The following KANK1 variants were observed in gnomAD, a reference collection of about 807,000 sequenced individuals.
The protein encoded by KANK1 is KN motif and ankyrin repeat domain-containing protein 1.
KANK1 carries 109 observed loss-of-function variants against 106.2 expected under a neutral mutation model. That is an observed-to-expected ratio of 1.03 (90% CI 0.88 to 1.20). KANK1 has a LOEUF of 1.20. Ranked by LOEUF, KANK1 falls within the 50% of genes most tolerant of loss-of-function variation. The pLI, the probability that KANK1 is intolerant of heterozygous loss-of-function variation, is 0.00. For missense variants in KANK1, 2,399 were observed against 1,710.7 expected (o/e 1.40, Z -7.10); for synonymous variants, 873 against 652.2 (o/e 1.34, Z -5.16).
At chr9:617,712 A>G (rs1832174038) in intron 1 of KANK1, among the ~76,000 whole-genome samples, 2 of 152,132 alleles carry the variant, frequency 1.3e-5, no homozygotes, top group Admixed American at 1.3e-4. Context: ...GACAGTCTGC[A>G]CCTCTCTTCC....
At chr9:635,700 T>A (rs569423814) in intron 1 of KANK1, among the ~76,000 whole-genome samples, 1 of 128,874 alleles carries the variant, frequency 7.8e-6, no homozygotes, top group African/African-American at 2.7e-5. Flanking sequence ...TATTCTTTTT[T>A]TTTTTTTTTT....
At chr9:570,359 G>C (rs529035882) in intron 1 of KANK1, among the ~76,000 whole-genome samples, 9 of 152,334 alleles carry the variant, frequency 5.9e-5, no homozygotes, top group Non-Finnish European at 1.2e-4. Context: ...GTTGAGATAA[G>C]AGAGGTTTGC....
At chr9:615,234 C>T (rs1296959328) in intron 1 of KANK1, among the ~76,000 whole-genome samples, 1 of 152,208 alleles carries the variant, frequency 6.6e-6, no homozygotes, top group East Asian at 1.9e-4. Flanking sequence ...CCGCGCCTGG[C>T]ATAGTATCAT....
At position 691,611 on chromosome 9, in the gene KANK1, A is replaced by ATTTTTTTTTTTT. The variant is rs767618077; in HGVS notation, c.37+14610_37+14621dup. ...AATAATGTAACTAAATAATACCAGA[A>ATTTTTTTTTTTT]TTTTTTTTTTTTTTTTTTTGAGACC... On this transcript the variant is annotated intron_variant, in intron 2 of 11. Transcript: ENST00000382297. Among the ~76,000 whole-genome samples the ATTTTTTTTTTTT allele has an allele frequency of 6.4e-3, 455 of 70,948 alleles. 14 individuals carry two copies. The highest frequency in any genetic ancestry group is 9.3e-3 in the African/African-American group (200 of 21,576). The allele number at this position is 70,948 out of a possible 152,430, so 46.5% of individuals were successfully genotyped here.
intron 1 of KANK1, among the ~76,000 whole-genome samples, chr9:605,334 A>G (rs183354158): frequency 2.0e-5 from 3 of 150,936 alleles, no homozygotes; most frequent in Non-Finnish European, 2.9e-5. Flanking sequence ...AATACTAGCC[A>G]TGAGGAAAGA....
rs1403467387 is a variant in KANK1 at position 542,787 on chromosome 9, G to A, written c.-84+38033G>A. On this transcript the variant is annotated intron_variant, in intron 1 of 11. Coordinates refer to ENST00000382297, the MANE Select transcript of KANK1 (RefSeq NM_015158.5). Reference sequence around the variant, plus strand: ...AACCTATTCATAAATGAAATAGCCAGGCACAGAAAGACAGATACTGCATTT... The same window carrying A: ...AACCTATTCATAAATGAAATAGCCAAGCACAGAAAGACAGATACTGCATTT... 3.3e-5 allele frequency among the ~76,000 whole-genome samples: 5 copies of A among 152,200 alleles called. No homozygotes were observed. The South Asian group carries it at 8.3e-4, about 25-fold the overall frequency.
chr9:719,750 T>A (rs533881714), intron 3 of KANK1, among the ~76,000 whole-genome samples: 1 of 152,246 alleles, frequency 6.6e-6, no homozygotes, highest in African/African-American at 2.4e-5. Context: ...GTGATTTTTT[T>A]TTTCTTTTTT....
chr9:648,440 T>A (rs1485368010), intron 1 of KANK1, among the ~76,000 whole-genome samples: 1 of 152,200 alleles, frequency 6.6e-6, no homozygotes, highest in Non-Finnish European at 1.5e-5. Flanking sequence ...TTAAATGGCA[T>A]CACAGACATA....
chr9:723,451 C>A (rs1829877765), intron 3 of KANK1, among the ~76,000 whole-genome samples: 1 of 152,078 alleles, frequency 6.6e-6, no homozygotes. Context: ...ATCCGACTTA[C>A]ACTTAAAATC....
At chr9:698,844 G>A (rs1039200685) in intron 2 of KANK1, among the ~76,000 whole-genome samples, 4 of 152,174 alleles carry the variant, frequency 2.6e-5, no homozygotes, top group African/African-American at 9.7e-5. Flanking sequence ...TTAATCTCCA[G>A]CATCTAGCCA....
intron 1 of KANK1, among the ~76,000 whole-genome samples, chr9:507,717 C>G (rs143866132): frequency 6.6e-6 from 1 of 151,982 alleles, no homozygotes; most frequent in Admixed American, 6.6e-5. Flanking sequence ...GTCACCACAC[C>G]CAGCTAATTT....
chr9:474,575 T>C (rs1447962165), intron 3 of KANK1, among the ~76,000 whole-genome samples: 1 of 152,232 alleles, frequency 6.6e-6, no homozygotes, highest in Non-Finnish European at 1.5e-5. Flanking sequence ...ATGCCCCCTA[T>C]CTTTTCCCTG....
At chr9:710,756 A>G in intron 2 of KANK1, 48 bp from the exon 3 acceptor site, 1 of 1,499,734 alleles carries the variant, frequency 6.7e-7, no homozygotes, top group Non-Finnish European at 9.0e-7. Flanking sequence ...AGTTTTTACC[A>G]TTAGGTGTAT....
chr9:509,917 C>G (rs939805602), intron 1 of KANK1, among the ~76,000 whole-genome samples: 2 of 152,146 alleles, frequency 1.3e-5, no homozygotes, highest in African/African-American at 4.8e-5. Context: ...CCGCCTCAGC[C>G]TGCCTCCCGA....
rs751335139 is a variant in KANK1 at position 711,633 on chromosome 9, A to G, written c.867A>G (p.Val289=). ...EQVRTIPVLQ[V]KISVLQEEKR... ...TGCGAACCATCCCTGTGCTCCAGGT[A>G]AAGATCTCTGTCTTGCAAGAAGAGA... The change falls in exon 3 of 12, where the codon GTA becomes GTG. Residue 289 remains valine, a synonymous_variant. Coordinates refer to ENST00000382297, the MANE Select transcript of KANK1 (RefSeq NM_015158.5). The G allele has an allele frequency of 1.4e-5, 23 of 1,614,038 alleles. No individual in the cohort carries two copies. In the South Asian group the frequency reaches 2.2e-4, roughly 15 times the overall value.
intron 6 of KANK1, 51 bp from the exon 7 acceptor site, chr9:734,697 A>G: frequency 7.4e-7 from 1 of 1,355,192 alleles, no homozygotes; most frequent in Non-Finnish European, 1.1e-6. Flanking sequence ...GGTTGAAATA[A>G]AAATGATTTT....
chr9:680,774 C>G (rs1054136710), intron 2 of KANK1: 2 of 152,208 alleles, frequency 1.3e-5, no homozygotes, highest in African/African-American at 4.8e-5. Flanking sequence ...GTGCGCGGCC[C>G]TACCTGTGTA....
rs763065573 is a variant in KANK1 at position 740,745 on chromosome 9, T to C, written c.3554-47T>C. 2.5e-6 allele frequency: 4 copies of C among 1,587,556 alleles called. No individual in the cohort carries two copies. The South Asian group carries it at 3.4e-5, about 14-fold the overall frequency. On this transcript the variant is annotated intron_variant, in intron 8 of 11. Coordinates refer to ENST00000382297, the MANE Select transcript of KANK1 (RefSeq NM_015158.5). ...CAGTGGCTTCGTAAGCGGCTGCTAT[T>C]AGAAGGGGCTGCTTCCTAAGAGACT... is the stretch of plus-strand genomic sequence containing the variant.
Position 535,551 on chromosome 9 carries a change from G to T in KANK1, c.-84+30797G>T, listed in dbSNP as rs2060258504. ...GAGGTGGTCTGCCCCAGGTCACAGG[G>T]CTAAAATTAGTAACATGTAAGGAAA... is the stretch of plus-strand genomic sequence containing the variant. On this transcript the variant is annotated intron_variant, in intron 1 of 11. Coordinates refer to ENST00000382297, the MANE Select transcript of KANK1 (RefSeq NM_015158.5). 2.0e-5 allele frequency among the ~76,000 whole-genome samples: 3 copies of T among 152,270 alleles called. No homozygotes were observed. The South Asian group carries it at 6.2e-4, about 32-fold the overall frequency.
Sources: gnomAD v4.1 joint callset for allele counts (sites outside exome capture counted in the v4.1 genomes callset) on GRCh38, gnomAD v4.1.1 for gene constraint, MANE v1.5 for transcripts, NCBI Gene and HGNC (gene_info 2026-07-23, HGNC 2026-07-21) for gene names.